Variants in TGIF1 observed in about 807,000 individuals in gnomAD.
TGIF1 encodes the protein TGFB induced factor homeobox 1, also known as homeobox protein TGIF1.
In TGIF1, 4 loss-of-function variants were observed where a neutral mutation model predicts 19.3. That is an observed-to-expected ratio of 0.21 (90% CI 0.10 to 0.47). The LOEUF (loss-of-function observed/expected upper bound fraction) is 0.47. TGIF1 is among the 20% of genes least tolerant of loss of function. TGIF1 has a pLI of 0.98. For synonymous variants in TGIF1, 122 were observed against 129.3 expected (o/e 0.94, Z 0.38); for missense variants, 275 against 341.4 (o/e 0.81, Z 1.53).
upstream of TGIF1, chr18:3,447,639 G>A (rs1015104309): frequency 3.1e-6 from 4 of 1,296,026 alleles, no homozygotes; most frequent in Non-Finnish European, 4.5e-6. Flanking sequence ...CAGTGGGGGT[G>A]CATCTACGGG....
At chr18:3,428,460 T>C (rs1471588804) in intron 2 of TGIF1, among the ~76,000 whole-genome samples, 1 of 152,038 alleles carries the variant, frequency 6.6e-6, no homozygotes, top group African/African-American at 2.4e-5. Context: ...TTTGGCCGGG[T>C]ATGGTGGCGG....
At chr18:3,426,539 T>C (rs1049992942) in intron 2 of TGIF1, among the ~76,000 whole-genome samples, 1 of 152,204 alleles carries the variant, frequency 6.6e-6, no homozygotes, top group African/African-American at 2.4e-5. Flanking sequence ...AGACTGGTGT[T>C]AGCTGTACAG....
chr18:3,429,694 G>A (rs987097644), intron 2 of TGIF1, among the ~76,000 whole-genome samples: 19 of 152,118 alleles, frequency 1.2e-4, no homozygotes, highest in African/African-American at 4.3e-4. Context: ...ACAAAATCAC[G>A]CATGGTTAAA....
intron 2 of TGIF1, among the ~76,000 whole-genome samples, chr18:3,420,717 G>C (rs911582284): frequency 1.3e-5 from 2 of 152,182 alleles, no homozygotes; most frequent in Non-Finnish European, 2.9e-5. Context: ...GTTAATTTCA[G>C]ACAAATTATC....
At position 3,459,483 on chromosome 18, in the gene TGIF1, A is replaced by G. The variant is rs768722857; in HGVS notation, c.*1543A>G. ...GCTTAGAATGGTCTGGCCTCACCTCAGAGAGTCACAGAAATAGACAAAAAC... is the reference window on the plus strand; with the variant it reads ...GCTTAGAATGGTCTGGCCTCACCTCGGAGAGTCACAGAAATAGACAAAAAC... On this transcript the variant is annotated 3_prime_UTR_variant, in exon 3 of 3. Coordinates refer to ENST00000343820, the MANE Select transcript of TGIF1 (RefSeq NM_003244.4). The G allele has an allele frequency of 6.6e-6, 1 of 152,190 alleles. No individual in the cohort carries two copies. Among genetic ancestry groups the G allele is most frequent in the African/African-American group, 2.4e-5 (1 of 41,460 alleles). The allele number at this position is 152,190 out of a possible 1,614,324, so 9.4% of individuals were successfully genotyped here.
chr18:3,423,995 G>C (rs1370145334), intron 2 of TGIF1, among the ~76,000 whole-genome samples: 2 of 152,304 alleles, frequency 1.3e-5, no homozygotes, highest in Non-Finnish European at 1.5e-5. Context: ...CAATACAGAA[G>C]GGGTCTGCGT....
intron 1 of TGIF1, among the ~76,000 whole-genome samples, chr18:3,413,541 G>A (rs1445137652): frequency 6.6e-6 from 1 of 152,006 alleles, no homozygotes; most frequent in Non-Finnish European, 1.5e-5. Flanking sequence ...ATAGAGTCTA[G>A]TATTCTTTAT....
intron 2 of TGIF1, among the ~76,000 whole-genome samples, chr18:3,422,322 T>A (rs1338658029): frequency 2.0e-4 from 28 of 140,694 alleles, no homozygotes; most frequent in Admixed American, 9.2e-4. Context: ...AAAAAAAAAA[T>A]TTGATAGAAA....
At position 3,415,783 on chromosome 18, in the gene TGIF1, C is replaced by T. The variant is rs76177077; in HGVS notation, c.-117-2360C>T. On this transcript the variant is annotated intron_variant, in intron 1 of 3. Coordinates refer to the TGIF1 transcript ENST00000401449. Reference sequence around the variant, plus strand: ...GGGATGTTGACCAATTTGTCCCCTGCATTGTGCTGCCATTTGGTCAGCCTG... The same window carrying T: ...GGGATGTTGACCAATTTGTCCCCTGTATTGTGCTGCCATTTGGTCAGCCTG... 6.2e-3 allele frequency among the ~76,000 whole-genome samples: 950 copies of T among 152,276 alleles called. 14 individuals are homozygous for T. The highest frequency in any genetic ancestry group is 0.022 in the African/African-American group (904 of 41,550).
At chr18:3,452,258 CCT>C in intron 1 of TGIF1, 1 of 1,609,646 alleles carries the variant, frequency 6.2e-7, no homozygotes, top group Admixed American at 1.7e-5. Context: ...AGCCGCGTGC[CCT>C]CTCCCCGGAG....
chr18:3,453,107 T>C (rs1402019721), intron 1 of TGIF1, among the ~76,000 whole-genome samples: 2 of 152,108 alleles, frequency 1.3e-5, no homozygotes, highest in African/African-American at 2.4e-5. Context: ...TGATTTTTTT[T>C]TTCTTTTGTT....
At chr18:3,446,079 TTAAG>T (rs1428793710), upstream of TGIF1, among the ~76,000 whole-genome samples, 2 of 152,224 alleles carry the variant, frequency 1.3e-5, no homozygotes. Flanking sequence ...AGTTTGGGCA[TTAAG>T]TGAGATTAAA....
intron 1 of TGIF1, among the ~76,000 whole-genome samples, chr18:3,416,179 C>T (rs776837484): frequency 6.6e-6 from 1 of 152,180 alleles, no homozygotes; most frequent in Non-Finnish European, 1.5e-5. Flanking sequence ...GGTAACAAAA[C>T]ATGGAACCCT....
chr18:3,432,868 T>C (rs925021073), intron 2 of TGIF1, among the ~76,000 whole-genome samples: 24 of 152,068 alleles, frequency 1.6e-4, no homozygotes, highest in Admixed American at 8.5e-4. Context: ...CAAGCAATTC[T>C]CCTGCCTCAG....
At chr18:3,448,199 C>T (rs2082783250), upstream of TGIF1, 2 of 985,330 alleles carry the variant, frequency 2.0e-6, no homozygotes, top group South Asian at 4.7e-5. Context: ...CCGCCCGGTT[C>T]CAGACGAGGC....
chr18:3,445,559 C>T (rs1018390982), upstream of TGIF1, among the ~76,000 whole-genome samples: 3 of 150,886 alleles, frequency 2.0e-5, no homozygotes, highest in Admixed American at 6.6e-5. Context: ...CCTGTCTCTA[C>T]TAAAAACACA....
At chr18:3,449,538 T>TAG, upstream of TGIF1, 19 of 961,874 alleles carry the variant, frequency 2.0e-5, no homozygotes, top group Non-Finnish European at 2.1e-5. Context: ...GTCTCATCAT[T>TAG]CCCCCCCGCC....
chr18:3,422,798 C>T (rs2082423061), intron 2 of TGIF1, among the ~76,000 whole-genome samples: 1 of 144,738 alleles, frequency 6.9e-6, no homozygotes, highest in Non-Finnish European at 1.5e-5. Context: ...TCACACCATT[C>T]TCCTGCCTCA....
upstream of TGIF1, chr18:3,447,485 T>TA (rs2082763507): frequency 5.1e-6 from 3 of 590,162 alleles, no homozygotes; most frequent in South Asian, 3.9e-5. Context: ...AAAAATACCC[T>TA]AAGCAATTGC....
Sources: allele counts gnomAD v4.1 joint callset (sites outside exome capture counted in the v4.1 genomes callset), GRCh38; gene constraint gnomAD v4.1.1; transcripts MANE v1.5; gene names NCBI Gene and HGNC (gene_info 2026-07-23, HGNC 2026-07-21).